UBE4B: variants seen among roughly 807,000 people sequenced by gnomAD.
The protein encoded by UBE4B is ubiquitination factor E4B.
UBE4B carries 27 observed loss-of-function variants against 148.1 expected under a neutral mutation model. The observed-to-expected ratio is 0.18, with a 90% CI of 0.13 to 0.25. The LOEUF (loss-of-function observed/expected upper bound fraction) is 0.25, where lower values mean the gene tolerates loss of function less well. UBE4B is among the 10% of genes least tolerant of loss of function. The probability of loss-of-function intolerance (pLI) is 1.00; values close to 1 mark genes in which losing one functional copy is unlikely to be tolerated. For synonymous variants in UBE4B, 596 were observed against 619.3 expected, an observed-to-expected ratio of 0.96 and a Z score of 0.56; for missense variants, 1,170 against 1,662.4, an observed-to-expected ratio of 0.70 and a Z score of 5.15.
At chr1:10,070,731 C>G (rs1644469992) in intron 1 of UBE4B, among the ~76,000 whole-genome samples, 1 of 152,012 alleles carries the variant, frequency 6.6e-6, no homozygotes, top group African/African-American at 2.4e-5. Context: ...ATTAATTTTT[C>G]TCTTTCAATA....
chr1:10,085,259 G>A (rs555318307), intron 2 of UBE4B, among the ~76,000 whole-genome samples: 270 of 152,282 alleles, frequency 1.8e-3, no homozygotes, highest in African/African-American at 5.9e-3. Context: ...CCTTAGTGAA[G>A]CAAAACTCCT....
At chr1:10,075,101 C>G (rs1344876845) in intron 2 of UBE4B, among the ~76,000 whole-genome samples, 2 of 152,130 alleles carry the variant, frequency 1.3e-5, no homozygotes, top group Non-Finnish European at 2.9e-5. Flanking sequence ...TGTTAAGGGC[C>G]AGATAGTAAA....
chr1:10,116,427 G>A (rs1343842025), intron 7 of UBE4B, among the ~76,000 whole-genome samples: 1 of 152,156 alleles, frequency 6.6e-6, no homozygotes, highest in Non-Finnish European at 1.5e-5. Context: ...ACAGGCATGA[G>A]CTACCATACC....
At chr1:10,114,309 G>A (rs953149433) in intron 7 of UBE4B, among the ~76,000 whole-genome samples, 2 of 152,218 alleles carry the variant, frequency 1.3e-5, no homozygotes, top group Non-Finnish European at 2.9e-5. Context: ...TAGTCACTGA[G>A]TTATGAATGT....
chr1:10,117,670 G>A (rs1645335415), intron 8 of UBE4B, 70 bp downstream of exon 8: 1 of 1,469,888 alleles, frequency 6.8e-7, no homozygotes, highest in Non-Finnish European at 9.0e-7. Flanking sequence ...CACCCCTGGA[G>A]CATTCATTGA....
intron 10 of UBE4B, among the ~76,000 whole-genome samples, chr1:10,125,465 C>T (rs781697772): frequency 1.3e-5 from 2 of 152,232 alleles, no homozygotes; most frequent in African/African-American, 4.8e-5. Flanking sequence ...GTATTGATAT[C>T]TCACAACACT....
intron 23 of UBE4B, among the ~76,000 whole-genome samples, chr1:10,162,745 T>A (rs899869241): frequency 7.2e-5 from 11 of 151,924 alleles, no homozygotes; most frequent in African/African-American, 1.9e-4. Context: ...GGAGTGAGCA[T>A]AATACCTAAT....
intron 1 of UBE4B, among the ~76,000 whole-genome samples, chr1:10,039,068 A>G (rs1337031887): frequency 1.3e-5 from 2 of 151,404 alleles, no homozygotes; most frequent in African/African-American, 4.9e-5. Context: ...AAAAAAACAA[A>G]CAAACAAAAA....
At chr1:10,040,618 T>C (rs1465687747) in intron 1 of UBE4B, among the ~76,000 whole-genome samples, 2 of 149,978 alleles carry the variant, frequency 1.3e-5, no homozygotes, top group African/African-American at 2.5e-5. Context: ...TTTCTTCTTT[T>C]TTCTTTTTTT....
At chr1:10,141,745 G>A (rs531372677) in intron 17 of UBE4B, among the ~76,000 whole-genome samples, 2 of 152,272 alleles carry the variant, frequency 1.3e-5, no homozygotes, top group East Asian at 3.9e-4. Context: ...GCATTACCCT[G>A]CAAGGTGACT....
In UBE4B at chr1:10,151,099, C is replaced by G. The variant is rs1217048953; in HGVS notation, c.2691-227C>G. ...AATGGCGTGAACCTGGGAGGCGGAG[C>G]TTGCAGTGAGCCGAGATCGCGCCAC... On this transcript the variant is annotated intron_variant, in intron 20 of 27. Coordinates refer to ENST00000343090, the MANE Select transcript of UBE4B (RefSeq NM_001105562.3). 3.5e-5 allele frequency among the ~76,000 whole-genome samples: 5 copies of G among 144,092 alleles called. No homozygotes were observed. The Admixed American group carries it at 3.5e-4, about 10-fold the overall frequency. The allele number at this position is 144,092 out of a possible 152,430, so 94.5% of individuals were successfully genotyped here.
chr1:10,102,873 A>T, intron 4 of UBE4B, 75 bp from the exon 5 acceptor site: 2 of 1,430,332 alleles, frequency 1.4e-6, no homozygotes, highest in Non-Finnish European at 1.9e-6. Flanking sequence ...TTAAATCAGA[A>T]TAACGTATTC....
intron 17 of UBE4B, among the ~76,000 whole-genome samples, chr1:10,137,921 C>CTTTTTTTTTTTTTTTTTTTTT (rs70998351): frequency 3.0e-5 from 2 of 66,982 alleles, no homozygotes; most frequent in African/African-American, 6.9e-5. Context: ...CTTACTAATT[C>CTTTTTTTTTTTTTTTTTTTTT]TTTTTTTTTT....
At chr1:10,165,482 A>T (rs959740613) in intron 23 of UBE4B, among the ~76,000 whole-genome samples, 7 of 152,136 alleles carry the variant, frequency 4.6e-5, no homozygotes, top group African/African-American at 1.7e-4. Flanking sequence ...TCTGATCAAC[A>T]TCACCACTCA....
chr1:10,133,260 G>A (rs1441283651), intron 15 of UBE4B, among the ~76,000 whole-genome samples: 9 of 152,190 alleles, frequency 5.9e-5, no homozygotes, highest in Admixed American at 5.9e-4. Flanking sequence ...AAATCATGTA[G>A]AGAGAAGAGC....
intron 1 of UBE4B, among the ~76,000 whole-genome samples, chr1:10,038,643 G>T (rs1330833697): frequency 6.6e-6 from 1 of 152,136 alleles, no homozygotes; most frequent in Non-Finnish European, 1.5e-5. Context: ...CACAGCTTTT[G>T]TATCAACATC....
chr1:10,165,757 A>T (rs1646237175), intron 23 of UBE4B, among the ~76,000 whole-genome samples: 1 of 152,002 alleles, frequency 6.6e-6, no homozygotes, highest in African/African-American at 2.4e-5. Context: ...CCTCAGGGAT[A>T]CCTTCCCTGA....
chr1:10,076,247 C>CTTTTTTTT (rs369214323), intron 2 of UBE4B, among the ~76,000 whole-genome samples: 10 of 131,644 alleles, frequency 7.6e-5, no homozygotes, highest in Admixed American at 1.5e-4. Flanking sequence ...TTCTTTCTTT[C>CTTTTTTTT]TTTTTTTTTT....
intron 1 of UBE4B, among the ~76,000 whole-genome samples, chr1:10,070,584 A>T (rs928629674): frequency 9.2e-5 from 14 of 151,948 alleles, no homozygotes; most frequent in Non-Finnish European, 1.5e-4. Flanking sequence ...TTCAAATTTT[A>T]TAGAAATGGA....
Sources: allele counts gnomAD v4.1 joint callset (sites outside exome capture counted in the v4.1 genomes callset), GRCh38; gene constraint gnomAD v4.1.1; transcripts MANE v1.5; gene names NCBI Gene and HGNC (gene_info 2026-07-23, HGNC 2026-07-21).